Variants in RASA1 observed in about 807,000 individuals in gnomAD.
RASA1 encodes the protein ras GTPase-activating protein 1.
Under a neutral mutation model 132.2 loss-of-function variants are expected in RASA1, and 25 were observed. The observed-to-expected ratio is 0.19, with a 90% confidence interval of 0.14 to 0.26. The LOEUF (loss-of-function observed/expected upper bound fraction) is 0.26. Ranked by LOEUF, RASA1 falls within the 10% of genes least tolerant of loss-of-function variation. The pLI, the probability that RASA1 is intolerant of heterozygous loss-of-function variation, is 1.00. For missense variants in RASA1, 964 were observed against 1,299.2 expected (o/e 0.74, Z 3.97); for synonymous variants, 477 against 449.9 (o/e 1.06, Z -0.76).
intron 1 of RASA1, among the ~76,000 whole-genome samples, chr5:87,313,665 A>G (rs372392983): frequency 6.6e-6 from 1 of 152,234 alleles, no homozygotes; most frequent in South Asian, 2.1e-4. Flanking sequence ...ACAGATATGA[A>G]AATGATTGAT....
chr5:87,387,808 G>T (rs79762165), intron 23 of RASA1, among the ~76,000 whole-genome samples: 2,222 of 152,162 alleles, frequency 0.015, 35 homozygotes, highest in African/African-American at 0.041. Flanking sequence ...ATAGTGAAAT[G>T]GACAAAAATG....
chr5:87,376,937 A>G lies in RASA1; in HGVS notation c.2241A>G (p.Gln747=). ...ATGCTTTATCACATGTATGTGGACA[A>G]GACCGAACACTACTGGCCAGCATCC... The part of the protein sequence containing the change: ...VVYALSHVCG[Q]DRTLLASILL... The change falls in exon 17 of 25, where the codon CAA becomes CAG. Residue 747 remains glutamine (Q), a synonymous_variant. Transcript: ENST00000274376. 6.2e-7 allele frequency: 1 copy of G among 1,611,266 alleles called. No homozygotes were observed. The highest frequency in any genetic ancestry group is 8.5e-7 in the Non-Finnish European group (1 of 1,177,380).
Position 87,390,994 on chromosome 5 carries a change from C to T in RASA1, c.*111C>T. Reference sequence around the variant, plus strand: ...AAAAATAGCACACTTTTCCACATTCCAGTGATGTGTGAGCTATGCAAACAA... The same window carrying T: ...AAAAATAGCACACTTTTCCACATTCTAGTGATGTGTGAGCTATGCAAACAA... On this transcript the variant is annotated 3_prime_UTR_variant, in exon 25 of 25. Coordinates refer to ENST00000274376, the MANE Select transcript of RASA1 (RefSeq NM_002890.3). The T allele has an allele frequency of 2.8e-6, 3 of 1,080,550 alleles. No homozygotes were observed. The South Asian group carries it at 3.9e-5, about 14-fold the overall frequency. 66.9% of individuals were successfully genotyped at this position (1,080,550 alleles called of 1,614,324 possible).
chr5:87,371,925 TTTATTA>T (rs1050148727), intron 12 of RASA1, among the ~76,000 whole-genome samples, 187 bp from the exon 13 acceptor site: 1 of 151,944 alleles, frequency 6.6e-6, no homozygotes, highest in Non-Finnish European at 1.5e-5. Flanking sequence ...TTTTGGTTGT[TTTATTA>T]TTGTTATTGT....
chr5:87,280,076 G>A (rs752998913), intron 1 of RASA1, among the ~76,000 whole-genome samples: 3 of 152,206 alleles, frequency 2.0e-5, no homozygotes, highest in Non-Finnish European at 2.9e-5. Flanking sequence ...AACTCAGCAC[G>A]CTGGCTCTGT....
intron 1 of RASA1, among the ~76,000 whole-genome samples, chr5:87,289,955 A>ACC (rs760606420): frequency 1.3e-5 from 2 of 151,944 alleles, no homozygotes; most frequent in Non-Finnish European, 2.9e-5. Context: ...TGTGGTTTCT[A>ACC]TATTAGTCAC....
chr5:87,268,279 G>T lies in RASA1; in HGVS notation c.-173G>T. 1 of 965,012 alleles carries T rather than the reference G, an allele frequency of 1.0e-6. No homozygotes were observed. 59.8% of individuals were successfully genotyped at this position (965,012 alleles called of 1,614,324 possible). A position where few individuals can be genotyped will look rare whatever the true frequency, so the allele number is the denominator to read the frequency against. Reference sequence around the variant, plus strand: ...GTAACCCAGGCAGCTGGGGAGCCTGGGCTGTGGCCCTAGGAGGGGGCGCGG... The same window carrying T: ...GTAACCCAGGCAGCTGGGGAGCCTGTGCTGTGGCCCTAGGAGGGGGCGCGG... On this transcript the variant is annotated 5_prime_UTR_variant, in exon 1 of 25. Coordinates refer to ENST00000274376, the MANE Select transcript of RASA1 (RefSeq NM_002890.3).
intron 1 of RASA1, among the ~76,000 whole-genome samples, chr5:87,297,676 C>T (rs1755181415): frequency 1.3e-5 from 2 of 152,184 alleles, no homozygotes; most frequent in Non-Finnish European, 1.5e-5. Flanking sequence ...GAACTGATTG[C>T]TCTGGCGTAT....
intron 1 of RASA1, among the ~76,000 whole-genome samples, chr5:87,273,517 G>C (rs537629794): frequency 4.6e-5 from 7 of 151,912 alleles, no homozygotes; most frequent in South Asian, 4.2e-4. Flanking sequence ...TGGTGGTAAA[G>C]GTATATTGTT....
chr5:87,319,598 T>G (rs373176893), intron 1 of RASA1, among the ~76,000 whole-genome samples: 1 of 152,202 alleles, frequency 6.6e-6, no homozygotes, highest in Non-Finnish European at 1.5e-5. Context: ...CTGGAGTGGC[T>G]GGGATGCGGG....
chr5:87,356,124 C>CA (rs1759631323), intron 9 of RASA1, among the ~76,000 whole-genome samples: 1 of 152,140 alleles, frequency 6.6e-6, no homozygotes, highest in African/African-American at 2.4e-5. Flanking sequence ...CTTGATAAAG[C>CA]AGCAAGAGGG....
At chr5:87,293,537 GTTTTC>G (rs1422180163) in intron 1 of RASA1, among the ~76,000 whole-genome samples, 1 of 152,090 alleles carries the variant, frequency 6.6e-6, no homozygotes, top group African/African-American at 2.4e-5. Context: ...TTGGTCTGTA[GTTTTC>G]TTTTCTTGTA....
chr5:87,342,673 C>T lies in RASA1; in HGVS notation c.1049+1352C>T, dbSNP rs542517208. Among the ~76,000 whole-genome samples the T allele has an allele frequency of 4.3e-4, 65 of 152,232 alleles. 1 individual carries two copies. The highest frequency in any genetic ancestry group is 3.4e-3 in the Middle Eastern group (1 of 294). Reference sequence around the variant, plus strand: ...GTGGTAATAAATGGCAACTAATATTCACTCACGGTGTTAGGGAAAACTGTG... The same window carrying T: ...GTGGTAATAAATGGCAACTAATATTTACTCACGGTGTTAGGGAAAACTGTG... On this transcript the variant is annotated intron_variant, in intron 6 of 24. Transcript: ENST00000274376.
intron 1 of RASA1, among the ~76,000 whole-genome samples, chr5:87,295,256 C>T (rs1247505159): frequency 6.6e-6 from 1 of 151,866 alleles, no homozygotes; most frequent in African/African-American, 2.4e-5. Flanking sequence ...GTTTCTTGTT[C>T]ATATAGTAGG....
At chr5:87,313,411 A>G (rs1756069607) in intron 1 of RASA1, among the ~76,000 whole-genome samples, 1 of 152,100 alleles carries the variant, frequency 6.6e-6, no homozygotes, top group South Asian at 2.1e-4. Flanking sequence ...GAGGTGAGAA[A>G]TAGCTTGAAT....
At chr5:87,371,859 C>T (rs1760966844) in intron 12 of RASA1, among the ~76,000 whole-genome samples, 1 of 151,918 alleles carries the variant, frequency 6.6e-6, no homozygotes, top group Admixed American at 6.6e-5. Flanking sequence ...AATTAATGGC[C>T]ACTCGATGTG....
intron 9 of RASA1, 75 bp from the exon 10 acceptor site, chr5:87,362,476 T>C (rs2112455889): frequency 2.8e-6 from 4 of 1,453,936 alleles, no homozygotes; most frequent in African/African-American, 1.4e-5. Flanking sequence ...TGGCTTTTAA[T>C]TGGTACTTTT....
At chr5:87,331,924 T>C (rs1360724071) in intron 2 of RASA1, among the ~76,000 whole-genome samples, 1 of 152,082 alleles carries the variant, frequency 6.6e-6, no homozygotes, top group African/African-American at 2.4e-5. Context: ...GAAACAGACA[T>C]ATAAATTTTC....
Position 87,337,964 on chromosome 5 carries a change from C to T in RASA1, c.900-10C>T. ...TTTAAATTTAATAACTTTAAAATTG[C>T]TATTTTCAGTTTCTTAAAAGGAGAT... is the stretch of plus-strand genomic sequence containing the variant. On this transcript the variant is annotated splice_polypyrimidine_tract_variant and intron_variant, in intron 4 of 24. Transcript: ENST00000274376. 6.2e-7 allele frequency: 1 copy of T among 1,601,634 alleles called. No homozygotes were observed. The highest frequency in any genetic ancestry group is 2.3e-5 in the East Asian group (1 of 44,362).
Sources: allele counts gnomAD v4.1 joint callset (sites outside exome capture counted in the v4.1 genomes callset), GRCh38; gene constraint gnomAD v4.1.1; transcripts MANE v1.5; gene names NCBI Gene and HGNC (gene_info 2026-07-23, HGNC 2026-07-21).